SUPT20H: variants seen among roughly 807,000 people sequenced by gnomAD.
SUPT20H encodes transcription factor SPT20 homolog.
Under a neutral mutation model 122.8 loss-of-function variants are expected in SUPT20H, and 82 were observed. The ratio of observed to expected loss-of-function variants is 0.67; its 90% CI spans 0.56 to 0.80. The LOEUF is 0.80. Among genes scored for constraint, SUPT20H ranks in the 30% least tolerant of loss-of-function variants. The pLI, the probability that SUPT20H is intolerant of heterozygous loss-of-function variation, is 0.00. For synonymous variants in SUPT20H, 291 were observed against 313.0 expected, an observed-to-expected ratio of 0.93 and a Z score of 0.74; for missense variants, 831 against 921.6, an observed-to-expected ratio of 0.90 and a Z score of 1.27.
At chr13:37,023,797 C>T (rs2061753202) in intron 19 of SUPT20H, 1 of 343,284 alleles carries the variant, frequency 2.9e-6, no homozygotes, top group Non-Finnish European at 5.2e-6. Context: ...AGGTTGTAAG[C>T]CTATAAGAAA....
At chr13:37,034,418 G>A (rs1036796823) in intron 9 of SUPT20H, among the ~76,000 whole-genome samples, 1 of 152,230 alleles carries the variant, frequency 6.6e-6, no homozygotes, top group Admixed American at 6.5e-5. Flanking sequence ...CTGGATAGAA[G>A]ATCAAACTAG....
intron 17 of SUPT20H, chr13:37,024,656 G>T: frequency 3.1e-6 from 1 of 321,764 alleles, no homozygotes; most frequent in Non-Finnish European, 5.6e-6. Context: ...ATATATTACA[G>T]TACACATAAA....
intron 19 of SUPT20H, 186 bp downstream of exon 19, chr13:37,023,849 C>A (rs2061763550): frequency 4.1e-6 from 2 of 493,654 alleles, no homozygotes; most frequent in Non-Finnish European, 6.8e-6. Flanking sequence ...AAAACAAGTA[C>A]AATTACAATA....
At chr13:37,047,967 G>T in intron 3 of SUPT20H, 31 bp from the exon 4 acceptor site, 1 of 1,572,832 alleles carries the variant, frequency 6.4e-7, no homozygotes, top group Non-Finnish European at 8.7e-7. Flanking sequence ...AGAACAGCTT[G>T]CTTTTTGCTT....
chr13:37,031,887 T>C lies in SUPT20H; in HGVS notation c.716A>G (p.Lys239Arg). The change falls in exon 11 of 26, where the codon AAG becomes AGG. Residue 239 changes from lysine (K) to arginine (R), a missense_variant. By Grantham distance (26) the Lys-to-Arg change is conservative. Transcript: ENST00000350612. ...ATTCAGAGAGGATCTGGAATACCTC[T>C]TGAAACACCTGAAATATTAAGAAAT... is the stretch of plus-strand genomic sequence containing the variant. ...MNTRPMKRCFKRYSRSSLNRQ... is the reference protein window; with the variant it reads ...MNTRPMKRCFRRYSRSSLNRQ... 1 of 1,579,460 alleles carries C rather than the reference T, an allele frequency of 6.3e-7. No homozygotes were observed. Among genetic ancestry groups the C allele is most frequent in the Non-Finnish European group, 8.5e-7 (1 of 1,170,176 alleles).
At chr13:37,011,270 T>A (rs1014511677) in intron 24 of SUPT20H, among the ~76,000 whole-genome samples, 3 of 152,202 alleles carry the variant, frequency 2.0e-5, no homozygotes, top group African/African-American at 7.2e-5. Context: ...AACATTCTCA[T>A]GATTTTTTTC....
In SUPT20H at chr13:37,017,364, G is replaced by A. The variant is rs769177049; in HGVS notation, c.1873C>T (p.Leu625Phe). The A allele has an allele frequency of 2.1e-5, 33 of 1,606,278 alleles. No individual in the cohort carries two copies. Among genetic ancestry groups the A allele is most frequent in the Non-Finnish European group, 1.9e-5 (22 of 1,177,712 alleles). The change falls in exon 23 of 26, where the codon CTT becomes TTT. Residue 625 changes from leucine to phenylalanine, a missense_variant and splice_region_variant. Leu to Phe is a conservative substitution (Grantham distance 22). Transcript: ENST00000350612. ...SSLRPLNLLQ[L>F]PGGSLIFNTL... is the part of the protein sequence containing the mutation. The stretch of plus-strand genomic sequence containing the variant: ...TTAAAAATAAGTGAACCACCTGGAA[G>A]CTATTAAGAATTTAAACAAAAATTA...
chr13:37,047,665 TTATTTA>T (rs2066751917), intron 4 of SUPT20H, 64 bp from the exon 5 acceptor site: 5 of 1,292,096 alleles, frequency 3.9e-6, no homozygotes, highest in Non-Finnish European at 4.1e-6. Flanking sequence ...GACATGAATG[TTATTTA>T]ATTTTTTCCT....
chr13:37,009,693 C>T lies in SUPT20H; in HGVS notation c.2319G>A (p.Thr773=), dbSNP rs747870909. Reference sequence around the variant, plus strand: ...AGACTCAAAATTTTGGAGTGGTTGGCGTGCCTCTCTTCATTTTACTTTTTG... The same window carrying T: ...AGACTCAAAATTTTGGAGTGGTTGGTGTGCCTCTCTTCATTTTACTTTTTG... ...SQSKSKMKRG[T]PTTPKF is the part of the protein sequence containing the mutation. The change falls in exon 26 of 26, where the codon ACG becomes ACA. Residue 773 remains threonine, a synonymous_variant. Coordinates refer to ENST00000350612, the MANE Select transcript of SUPT20H (RefSeq NM_001014286.3). The T allele has an allele frequency of 2.0e-5, 33 of 1,613,646 alleles. No individual in the cohort carries two copies. Among genetic ancestry groups the T allele is most frequent in the Admixed American group, 1.2e-4 (7 of 59,904 alleles).
At chr13:37,035,625 A>C (rs1220551915) in intron 9 of SUPT20H, among the ~76,000 whole-genome samples, 2 of 151,948 alleles carry the variant, frequency 1.3e-5, no homozygotes, top group East Asian at 3.9e-4. Flanking sequence ...GGTTCAAGCA[A>C]TTCTTGAATT....
At chr13:37,034,615 T>C (rs950714516) in intron 9 of SUPT20H, among the ~76,000 whole-genome samples, 3 of 152,200 alleles carry the variant, frequency 2.0e-5, no homozygotes, top group African/African-American at 7.2e-5. Flanking sequence ...AGTACTGATA[T>C]ACAAACTGCA....
At chr13:37,010,740 T>A in intron 24 of SUPT20H, 85 bp from the exon 25 acceptor site, 1 of 949,038 alleles carries the variant, frequency 1.1e-6, no homozygotes, top group Non-Finnish European at 1.6e-6. Flanking sequence ...GAAAATGAAA[T>A]AATAGAAAAG....
At chr13:37,026,842 CT>C in intron 14 of SUPT20H, 26 bp from the exon 15 acceptor site, 1 of 1,404,336 alleles carries the variant, frequency 7.1e-7, no homozygotes, top group East Asian at 2.8e-5. Context: ...TAAAAAAAAG[CT>C]TAGTTAATGC....
intron 10 of SUPT20H, 34 bp downstream of exon 10, chr13:37,033,415 G>A (rs1443429573): frequency 1.9e-6 from 3 of 1,599,878 alleles, no homozygotes; most frequent in Non-Finnish European, 2.6e-6. Context: ...AGCTACTTGT[G>A]TCTTTTGGTT....
intron 9 of SUPT20H, among the ~76,000 whole-genome samples, chr13:37,033,956 T>C (rs1363474170): frequency 1.3e-5 from 2 of 152,198 alleles, no homozygotes; most frequent in South Asian, 2.1e-4. Flanking sequence ...TCTCAAACTT[T>C]TTCATTATTA....
At chr13:37,014,599 A>G (rs1455829719) in intron 23 of SUPT20H, among the ~76,000 whole-genome samples, 2 of 152,190 alleles carry the variant, frequency 1.3e-5, no homozygotes, top group East Asian at 3.8e-4. Flanking sequence ...TTGGAAATCA[A>G]ACATATCTAA....
chr13:37,034,780 G>T (rs1054720053), intron 9 of SUPT20H, among the ~76,000 whole-genome samples: 2 of 152,204 alleles, frequency 1.3e-5, no homozygotes, highest in Non-Finnish European at 2.9e-5. Flanking sequence ...AAGCTTCAAA[G>T]AACAGGCTGA....
chr13:37,056,520 A>C (rs913476789), intron 1 of SUPT20H, among the ~76,000 whole-genome samples: 1 of 152,148 alleles, frequency 6.6e-6, no homozygotes, highest in Non-Finnish European at 1.5e-5. Flanking sequence ...CAAGGACAAA[A>C]AACCAAACAC....
At chr13:37,057,443 A>T (rs1178207265) in intron 1 of SUPT20H, among the ~76,000 whole-genome samples, 4 of 151,860 alleles carry the variant, frequency 2.6e-5, no homozygotes, top group Non-Finnish European at 5.9e-5. Context: ...ACTTCTGATG[A>T]CAGAAAACAA....
Sources: gnomAD v4.1 joint callset for allele counts (sites outside exome capture counted in the v4.1 genomes callset) on GRCh38, gnomAD v4.1.1 for gene constraint, MANE v1.5 for transcripts, NCBI Gene and HGNC (gene_info 2026-07-23, HGNC 2026-07-21) for gene names.